CFAP54: variants seen among roughly 807,000 people sequenced by gnomAD.
CFAP54 encodes cilia- and flagella-associated protein 54.
In CFAP54, 290 loss-of-function variants were observed where a neutral mutation model predicts 370.4. That is an observed-to-expected ratio of 0.78 (90% CI 0.71 to 0.86). The LOEUF (loss-of-function observed/expected upper bound fraction) is 0.86. CFAP54 is among the 40% of genes least tolerant of loss of function. The pLI is 0.00. For missense variants in CFAP54, 3,399 were observed against 3,528.7 expected (o/e 0.96, Z 0.93); for synonymous variants, 1,206 against 1,236.5 (o/e 0.98, Z 0.52).
At position 96,564,751 on chromosome 12, in the gene CFAP54, T is replaced by C. The variant is rs1955849248; in HGVS notation, c.2605T>C (p.Trp869Arg). ...FEKDATSTSS[W>R]ELLMEAYSLI... is the part of the protein sequence containing the mutation. ...GAAAGATGCAACTTCTACATCTTCA[T>C]GGGAACTTTTGATGGTAACAGTATT... The change falls in exon 19 of 68, where the codon TGG becomes CGG. Residue 869 changes from tryptophan to arginine, a missense_variant. Trp to Arg is a moderately radical substitution (Grantham distance 101, BLOSUM62 -3). This residue lies in a region of CFAP54 where 2,796 missense variants were observed against 2,869.7 expected (regional missense o/e 0.97). Coordinates refer to ENST00000524981, the MANE Select transcript of CFAP54 (RefSeq NM_001306084.2). 1.6e-6 allele frequency: 1 copy of C among 617,872 alleles called. No individual in the cohort carries two copies. Among genetic ancestry groups the C allele is most frequent in the Non-Finnish European group, 2.8e-6 (1 of 353,754 alleles). 38.3% of individuals were successfully genotyped at this position (617,872 alleles called of 1,614,324 possible).
At chr12:96,750,292 G>C (rs1958168306) in intron 55 of CFAP54, among the ~76,000 whole-genome samples, 1 of 151,692 alleles carries the variant, frequency 6.6e-6, no homozygotes, top group African/African-American at 2.4e-5. Context: ...TCCTGCAGCA[G>C]CAGCAGCAGC....
chr12:96,863,154 T>C (rs1959917862), intron 67 of CFAP54, among the ~76,000 whole-genome samples: 1 of 10,160 alleles, frequency 9.8e-5, no homozygotes, highest in Admixed American at 1.6e-3. Context: ...CTATATTTGT[T>C]GGATGGATGG....
chr12:96,686,246 TCTC>T (rs1300210734), intron 42 of CFAP54, among the ~76,000 whole-genome samples: 2 of 152,120 alleles, frequency 1.3e-5, no homozygotes, highest in East Asian at 3.9e-4. Context: ...AATATCCTAA[TCTC>T]CTCTTCTTAT....
rs12302557 is a variant in CFAP54, at chr12:96,674,304, T to A, written c.5564-5296T>A. 5.8e-3 allele frequency among the ~76,000 whole-genome samples: 887 copies of A among 151,638 alleles called. 9 individuals are homozygous for A. Among genetic ancestry groups the A allele is most frequent in the African/African-American group, 0.02 (839 of 41,368 alleles). On this transcript the variant is annotated intron_variant, in intron 39 of 67. Coordinates refer to ENST00000524981, the MANE Select transcript of CFAP54 (RefSeq NM_001306084.2). Reference sequence around the variant, plus strand: ...TCATTGGCATTTCAGCTTTCATTTCTAGAGTGGTACAATGAAAGACACAAT... The same window carrying A: ...TCATTGGCATTTCAGCTTTCATTTCAAGAGTGGTACAATGAAAGACACAAT...
At chr12:96,771,675 A>AC (rs1185394980) in intron 60 of CFAP54, among the ~76,000 whole-genome samples, 1 of 152,112 alleles carries the variant, frequency 6.6e-6, no homozygotes, top group Non-Finnish European at 1.5e-5. Context: ...AAACAAACAA[A>AC]AAACAACAAA....
intron 40 of CFAP54, chr12:96,682,444 T>G (rs1957283334): frequency 2.9e-6 from 1 of 346,722 alleles, no homozygotes; most frequent in South Asian, 1.2e-4. Context: ...CACAGCTCAC[T>G]GTGTGATCAC....
intron 3 of CFAP54, among the ~76,000 whole-genome samples, chr12:96,504,721 G>T (rs552665219): frequency 6.6e-6 from 1 of 152,158 alleles, no homozygotes; most frequent in Admixed American, 6.5e-5. Context: ...TTTGGGACCC[G>T]TATGTGGTTA....
At chr12:96,702,234 GTATGAGAC>G (rs1957500296) in intron 46 of CFAP54, among the ~76,000 whole-genome samples, 2 of 14,744 alleles carry the variant, frequency 1.4e-4, no homozygotes, top group Admixed American at 1.7e-3. Flanking sequence ...AGCATGTTAA[GTATGAGAC>G]ATGTTAAGTA....
At chr12:96,553,494 A>G (rs1042436346) in intron 15 of CFAP54, among the ~76,000 whole-genome samples, 1 of 86,980 alleles carries the variant, frequency 1.1e-5, no homozygotes, top group Non-Finnish European at 2.4e-5. Flanking sequence ...AGTTATATAT[A>G]TATATAGTAA....
Position 96,792,335 on chromosome 12 carries a change from C to A in CFAP54, c.8686C>A (p.Arg2896Ser), listed in dbSNP as rs775459138. ...GTTTTTGTTTGTTCCCTAGTTGTAT[C>A]GCGATAGTTCTGTACAATCCATTTT... Reference protein sequence around the residue: ...DLRESSAKLYRDSSVQSILSF... With the variant: ...DLRESSAKLYSDSSVQSILSF... The change falls in exon 63 of 68, where the codon CGC becomes AGC. Residue 2896 changes from arginine (R) to serine (S), a missense_variant. Physicochemically the swap from Arg to Ser is moderately radical, Grantham distance 110. Transcript: ENST00000524981. 6.6e-7 allele frequency: 1 copy of A among 1,505,886 alleles called. No individual in the cohort carries two copies. 93.3% of individuals were successfully genotyped at this position (1,505,886 alleles called of 1,614,324 possible).
intron 14 of CFAP54, among the ~76,000 whole-genome samples, chr12:96,543,840 C>T (rs1565891190): frequency 6.6e-6 from 1 of 152,062 alleles, no homozygotes; most frequent in Non-Finnish European, 1.5e-5. Flanking sequence ...CCTTGGTGGG[C>T]CCTGGATCCC....
At chr12:96,862,707 C>G (rs530232437) in intron 67 of CFAP54, among the ~76,000 whole-genome samples, 32 of 152,104 alleles carry the variant, frequency 2.1e-4, no homozygotes, top group African/African-American at 7.2e-4. Flanking sequence ...ATGTCTATAC[C>G]CTCATATGAA....
At chr12:96,776,066 A>G (rs1258423031) in intron 60 of CFAP54, among the ~76,000 whole-genome samples, 4 of 152,178 alleles carry the variant, frequency 2.6e-5, no homozygotes, top group Non-Finnish European at 5.9e-5. Context: ...TGTATACAAT[A>G]AATTAGGAAA....
intron 60 of CFAP54, among the ~76,000 whole-genome samples, chr12:96,780,492 G>A (rs1380692609): frequency 6.6e-6 from 1 of 152,116 alleles, no homozygotes; most frequent in East Asian, 1.9e-4. Flanking sequence ...TGTGGGGTGA[G>A]AGAGAGGAGA....
intron 65 of CFAP54, among the ~76,000 whole-genome samples, chr12:96,827,749 T>TTATATTTA (rs1959134984): frequency 8.6e-6 from 1 of 116,556 alleles, no homozygotes; most frequent in Non-Finnish European, 1.6e-5. Flanking sequence ...TTATATATAA[T>TTATATTTA]ACATAGTAAC....
At chr12:96,698,973 A>T (rs534706940) in intron 45 of CFAP54, among the ~76,000 whole-genome samples, 1 of 152,138 alleles carries the variant, frequency 6.6e-6, no homozygotes, top group South Asian at 2.1e-4. Context: ...TTGGGTCCAA[A>T]TGTCCCCTAT....
At chr12:96,554,619 A>G (rs1020715883) in intron 16 of CFAP54, 57 bp from the exon 17 acceptor site, 1 of 1,434,176 alleles carries the variant, frequency 7.0e-7, no homozygotes, top group Non-Finnish European at 9.3e-7. Context: ...GTATACAGCT[A>G]TTTTTGTGTG....
chr12:96,682,223 C>T lies in CFAP54; in HGVS notation c.5717-2425C>T, dbSNP rs1957281186. 16 of 985,512 alleles carry T rather than the reference C, an allele frequency of 1.6e-5. 1 individual carries two copies. Among genetic ancestry groups the T allele is most frequent in the Admixed American group, 1.2e-4 (2 of 16,250 alleles). The allele number at this position is 985,512 out of a possible 1,614,324, so 61.0% of individuals were successfully genotyped here. On this transcript the variant is annotated intron_variant, in intron 40 of 67. Transcript: ENST00000524981. ...CTGGGGACAGAGGAGATGCATATGTCAATACCCCCTGACCTTTCTCAGGAG... is the reference window on the plus strand; with the variant it reads ...CTGGGGACAGAGGAGATGCATATGTTAATACCCCCTGACCTTTCTCAGGAG...
chr12:96,840,805 A>G (rs1013048333), intron 66 of CFAP54, among the ~76,000 whole-genome samples: 8 of 152,284 alleles, frequency 5.3e-5, no homozygotes, highest in African/African-American at 1.9e-4. Context: ...ATGCCAGATG[A>G]CATCCATTCC....
Sources: gnomAD v4.1 joint callset for allele counts (sites outside exome capture counted in the v4.1 genomes callset) on GRCh38, gnomAD v4.1.1 for gene constraint, gnomAD v4.1.1 regional missense constraint, MANE v1.5 for transcripts, NCBI Gene and HGNC (gene_info 2026-07-23, HGNC 2026-07-21) for gene names.